ZNF534: variants seen among roughly 807,000 people sequenced by gnomAD.
ZNF534 encodes the protein KRAB domain only 3.
Under a neutral mutation model 13.6 loss-of-function variants are expected in ZNF534, and 19 were observed. The ratio of observed to expected loss-of-function variants is 1.40; its 90% CI spans 0.97 to 2.05. The LOEUF is 2.05. Ranked by LOEUF, ZNF534 falls within the 30% of genes most tolerant of loss-of-function variation. ZNF534 has a pLI of 0.00. For synonymous variants in ZNF534, 244 were observed against 273.8 expected (o/e 0.89, Z 1.07); for missense variants, 782 against 796.3 (o/e 0.98, Z 0.22).
chr19:52,433,556 T>C (rs145070875), intron 2 of ZNF534, among the ~76,000 whole-genome samples: 1,707 of 152,246 alleles, frequency 0.011, 22 homozygotes, highest in African/African-American at 0.036. Context: ...TTAGTAGAGA[T>C]GGGGTTTCAC....
intron 2 of ZNF534, among the ~76,000 whole-genome samples, chr19:52,433,463 T>G (rs1400615118): frequency 3.3e-5 from 5 of 151,768 alleles, no homozygotes; most frequent in Non-Finnish European, 7.4e-5. Flanking sequence ...CACTCCTGGG[T>G]TCACACCATT....
chr19:52,451,216 G>A (rs1447270628), exon 5 of ZNF534: 38 of 709,490 alleles, frequency 5.4e-5, no homozygotes, highest in Non-Finnish European at 9.1e-5. Context: ...GGACGCGCGC[G>A]TCTTCAGGGT....
chr19:52,439,553 C>G lies in ZNF534; in HGVS notation c.*107C>G. On this transcript the variant is annotated 3_prime_UTR_variant, in exon 5 of 5. Transcript: ENST00000433050. ...GGTCAGGAGATTGAGACCATCCTGG[C>G]TAACACGGTGAAACCCCATCTCTAC... The G allele has an allele frequency of 2.0e-6, 2 of 1,019,368 alleles. No homozygotes were observed. The highest frequency in any genetic ancestry group is 2.7e-6 in the Non-Finnish European group (2 of 728,402). The allele number at this position is 1,019,368 out of a possible 1,614,324, so 63.1% of individuals were successfully genotyped here.
chr19:52,433,236 C>CAAAAAAAAAAAAA (rs1171627054), intron 2 of ZNF534, among the ~76,000 whole-genome samples: 2 of 64,618 alleles, frequency 3.1e-5, no homozygotes, highest in Non-Finnish European at 2.9e-5. Context: ...GATCCTATCT[C>CAAAAAAAAAAAAA]AAAAAAAAAA....
At chr19:52,451,958 A>T (rs2059219144) in exon 5 of ZNF534, 2 of 388,270 alleles carry the variant, frequency 5.2e-6, no homozygotes, top group Non-Finnish European at 1.0e-5. Context: ...TATGCCAAGA[A>T]CAGAAAACGA....
chr19:52,441,935 G>A lies in ZNF534; in HGVS notation c.*2489G>A, dbSNP rs559194708. Among the ~76,000 whole-genome samples the A allele has an allele frequency of 4.6e-5, 7 of 152,308 alleles. No individual in the cohort carries two copies. In the East Asian group the frequency reaches 1.2e-3, roughly 25 times the overall value. ...CTTACAAGCTGTGTACGGAAAGCTC[G>A]TCATGAGTTTTAGCATTAATGAACA... is the stretch of plus-strand genomic sequence containing the variant. On this transcript the variant is annotated 3_prime_UTR_variant, in exon 5 of 5. Coordinates refer to ENST00000433050, the MANE Select transcript of ZNF534 (RefSeq NM_001143938.3).
chr19:52,433,918 TCC>T, intron 2 of ZNF534, 35 bp from the exon 3 acceptor site: 1 of 1,612,462 alleles, frequency 6.2e-7, no homozygotes, highest in East Asian at 2.2e-5. Flanking sequence ...AAGTACTCTC[TCC>T]ATACCCTGTT....
chr19:52,438,964 G>A lies in ZNF534; in HGVS notation c.1504G>A (p.Val502Ile), dbSNP rs2059151217. ...TTACAAATGTAATGAATGTGGCAAG[G>A]TCTTCCGTCAGAATTCACACCTTGC... The part of the protein sequence containing the change: ...KLYKCNECGK[V>I]FRQNSHLAQH... Residue 502 changes from valine (V) to isoleucine (I), a missense_variant, in exon 5 of 5, where the codon GTC becomes ATC. Physicochemically the swap from Val to Ile is conservative, Grantham distance 29. Around this residue, in one of 5 missense-constraint regions of ZNF534, gnomAD observed 591 missense variants for 574.0 expected, o/e 1.03. Transcript: ENST00000433050. 6.2e-7 allele frequency: 1 copy of A among 1,604,886 alleles called. No individual in the cohort carries two copies. The highest frequency in any genetic ancestry group is 8.5e-7 in the Non-Finnish European group (1 of 1,175,166).
chr19:52,436,826 C>T lies in ZNF534; in HGVS notation c.272-906C>T, dbSNP rs373381049. Among the ~76,000 whole-genome samples, 15 of 152,170 alleles carry T rather than the reference C, an allele frequency of 9.9e-5. No individual in the cohort carries two copies. The East Asian group carries it at 2.7e-3, about 27-fold the overall frequency. ...TTCCCCTGTGTTTGTTATCCTCATT[C>T]TTTTCACATACTGTTTTTCTGATTT... On this transcript the variant is annotated intron_variant, in intron 4 of 4. Coordinates refer to ENST00000433050, the MANE Select transcript of ZNF534 (RefSeq NM_001143938.3).
In ZNF534 at chr19:52,440,516, C is replaced by G. The variant is rs1041885599; in HGVS notation, c.*1070C>G. Among the ~76,000 whole-genome samples the G allele has an allele frequency of 6.6e-6, 1 of 152,130 alleles. No individual in the cohort carries two copies. The highest frequency in any genetic ancestry group is 6.5e-5 in the Admixed American group (1 of 15,276). On this transcript the variant is annotated 3_prime_UTR_variant, in exon 5 of 5. Coordinates refer to ENST00000433050, the MANE Select transcript of ZNF534 (RefSeq NM_001143938.3). ...ATACTGGAGGCTGGGTGCGGTGGCT[C>G]ACGCCTGTAATCCCAGCACTTTGGG...
intron 1 of ZNF534, among the ~76,000 whole-genome samples, chr19:52,429,922 T>C (rs1568439632): frequency 1.3e-5 from 2 of 151,894 alleles, no homozygotes; most frequent in African/African-American, 4.8e-5. Flanking sequence ...GATCCACTTT[T>C]ATGGTATCTC....
chr19:52,433,426 G>A (rs200905094), intron 2 of ZNF534, among the ~76,000 whole-genome samples: 1 of 151,842 alleles, frequency 6.6e-6, no homozygotes, highest in East Asian at 1.9e-4. Context: ...GAGTGCAGTG[G>A]CGCAATCTCA....
exon 5 of ZNF534, chr19:52,451,953 C>A: frequency 2.5e-6 from 1 of 399,264 alleles, no homozygotes; most frequent in East Asian, 6.0e-5. Context: ...AAATTTATGC[C>A]AAGAACAGAA....
At chr19:52,448,800 A>G (rs538499245) in intron 4 of ZNF534, among the ~76,000 whole-genome samples, 18 of 152,376 alleles carry the variant, frequency 1.2e-4, no homozygotes, top group Non-Finnish European at 2.2e-4. Context: ...CACATAAAAT[A>G]GATAATGATC....
At chr19:52,448,697 T>C (rs1312455380) in intron 4 of ZNF534, among the ~76,000 whole-genome samples, 2 of 152,228 alleles carry the variant, frequency 1.3e-5, no homozygotes, top group African/African-American at 2.4e-5. Flanking sequence ...ACTTTTTAAG[T>C]GTACAATTCA....
rs1288620776 is a variant in ZNF534, at chr19:52,440,672, T to G, written c.*1226T>G. On this transcript the variant is annotated 3_prime_UTR_variant, in exon 5 of 5. Transcript: ENST00000433050. The stretch of plus-strand genomic sequence containing the variant: ...GGTGGGTGTCTGTAATCCCAGCTAC[T>G]CAGGAGGCTGAGGCAGGAGAATCAC... 1.2e-5 allele frequency among the ~76,000 whole-genome samples: 1 copy of G among 86,744 alleles called. No homozygotes were observed. Among genetic ancestry groups the G allele is most frequent in the African/African-American group, 4.1e-5 (1 of 24,296 alleles). The allele number at this position is 86,744 out of a possible 152,430, so 56.9% of individuals were successfully genotyped here. A position where few individuals can be genotyped will look rare whatever the true frequency, so the allele number is the denominator to read the frequency against.
chr19:52,442,896 C>T (rs2608504), downstream of ZNF534, among the ~76,000 whole-genome samples: 139,590 of 152,278 alleles, frequency 0.92, 64,322 homozygotes, highest in Non-Finnish European at 0.96. Context: ...GAAGCAGTCA[C>T]GCTTATTCTT....
chr19:52,438,682 A>G lies in ZNF534; in HGVS notation c.1222A>G (p.Arg408Gly). 6.3e-7 allele frequency: 1 copy of G among 1,579,226 alleles called. No individual in the cohort carries two copies. ...ACATAGGAAAATTCATACTGGGGGG[A>G]GGCGTTACAAATGTAATGAATGTGG... is the stretch of plus-strand genomic sequence containing the variant. The part of the protein sequence containing the change: ...ARHRKIHTGG[R>G]RYKCNECGKA... Residue 408 changes from arginine to glycine, a missense_variant, in exon 5 of 5, where the codon AGG becomes GGG. By Grantham distance (125) the Arg-to-Gly change is moderately radical (BLOSUM62 -2). Transcript: ENST00000433050.
chr19:52,447,294 A>G (rs961594551), downstream of ZNF534, among the ~76,000 whole-genome samples: 3 of 152,206 alleles, frequency 2.0e-5, no homozygotes, highest in East Asian at 3.8e-4. Context: ...TATTCATCCT[A>G]TTATAACTAA....
Sources: allele counts gnomAD v4.1 joint callset (sites outside exome capture counted in the v4.1 genomes callset), GRCh38; gene constraint gnomAD v4.1.1; regional missense constraint gnomAD v4.1.1; transcripts MANE v1.5; gene names NCBI Gene and HGNC (gene_info 2026-07-23, HGNC 2026-07-21).